Variants in TRAK1 observed in about 807,000 individuals in gnomAD.
The protein encoded by TRAK1 is trafficking kinesin-binding protein 1.
In TRAK1, 33 loss-of-function variants were observed where a neutral mutation model predicts 92.1. The observed-to-expected ratio is 0.36, with a 90% CI of 0.27 to 0.48. The LOEUF (loss-of-function observed/expected upper bound fraction) is 0.48, where lower values mean the gene tolerates loss of function less well. TRAK1 is among the 20% of genes least tolerant of loss of function. TRAK1 has a pLI of 0.99. For synonymous variants in TRAK1, 521 were observed against 517.3 expected, an observed-to-expected ratio of 1.01 and a Z score of -0.10; for missense variants, 1,123 against 1,257.9, an observed-to-expected ratio of 0.89 and a Z score of 1.62.
At chr3:42,194,692 C>T in intron 9 of TRAK1, 112 bp from the exon 10 acceptor site, 1 of 1,324,516 alleles carries the variant, frequency 7.5e-7, no homozygotes, top group Non-Finnish European at 1.0e-6. Context: ...GCTGGTTCCA[C>T]ACGTGCTGGG....
chr3:42,223,288 C>A lies in TRAK1; in HGVS notation c.2413C>A (p.Pro805Thr), dbSNP rs201202052. Residue 805 changes from proline to threonine, a missense_variant, in exon 16 of 16, where the codon CCC becomes ACC. Physicochemically the swap from Pro to Thr is conservative, Grantham distance 38. Transcript: ENST00000327628. This position sits in a 1 kb window ranked among gnomAD's most constrained non-coding sequence, Gnocchi z 6.1. ...CTTTGAGTTCAAGTGCACGAGCCCT[C>A]CCTACGACAATTTCCTGGCTTCCAA... is the stretch of plus-strand genomic sequence containing the variant. ...PSFEFKCTSP[P>T]YDNFLASKPA... The A allele has an allele frequency of 5.0e-6, 8 of 1,614,236 alleles. No individual in the cohort carries two copies. Among genetic ancestry groups the A allele is most frequent in the Non-Finnish European group, 5.9e-6 (7 of 1,180,040 alleles).
intron 2 of TRAK1, among the ~76,000 whole-genome samples, chr3:42,129,387 C>T (rs2149160657): frequency 6.6e-6 from 1 of 152,258 alleles, no homozygotes; most frequent in Admixed American, 6.5e-5. Flanking sequence ...CTACACATTG[C>T]TATGCAGATC....
At chr3:42,092,681 T>TTGTTTTGTTGTGTTGTGTTGTGTTG (rs750189192) in intron 1 of TRAK1, among the ~76,000 whole-genome samples, 76 of 131,354 alleles carry the variant, frequency 5.8e-4, no homozygotes, top group East Asian at 1.6e-3. Context: ...TCCTTTTATT[T>TTGTTTTGTTGTGTTGTGTTGTGTTG]TGTTGTGTTG....
At chr3:42,139,121 CAT>C (rs1369299020) in intron 2 of TRAK1, among the ~76,000 whole-genome samples, 2 of 152,040 alleles carry the variant, frequency 1.3e-5, no homozygotes, top group African/African-American at 4.8e-5. Flanking sequence ...AAGATGTATA[CAT>C]TATAATGTAT....
chr3:42,053,375 T>TGGGGGG (rs760432112), intron 1 of TRAK1, among the ~76,000 whole-genome samples: 40 of 50,612 alleles, frequency 7.9e-4, no homozygotes, highest in South Asian at 1.9e-3. Context: ...CAGAGTCGGG[T>TGGGGGG]GGGGGGGGGG....
chr3:42,105,951 C>T (rs1707485702), intron 1 of TRAK1, among the ~76,000 whole-genome samples: 1 of 152,132 alleles, frequency 6.6e-6, no homozygotes, highest in Non-Finnish European at 1.5e-5. Context: ...ATAAAATCCT[C>T]TACAGACAAA....
chr3:42,062,455 CTA>C, intron 1 of TRAK1, among the ~76,000 whole-genome samples: 1 of 152,258 alleles, frequency 6.6e-6, no homozygotes. Context: ...GTCTTGGAGA[CTA>C]TTTTTTAACA....
intron 1 of TRAK1, among the ~76,000 whole-genome samples, chr3:42,103,172 C>CT (rs991576050): frequency 1.3e-5 from 2 of 151,840 alleles, no homozygotes; most frequent in Non-Finnish European, 2.9e-5. Context: ...TGGCTGCATT[C>CT]TTTTTTTTCT....
intron 1 of TRAK1, among the ~76,000 whole-genome samples, chr3:42,053,771 A>C (rs541101539): frequency 6.6e-6 from 1 of 152,204 alleles, no homozygotes; most frequent in Admixed American, 6.5e-5. Context: ...TCCCTCACCA[A>C]GGGAAAATGA....
chr3:42,104,242 C>G (rs1457171383), intron 1 of TRAK1, among the ~76,000 whole-genome samples: 2 of 152,158 alleles, frequency 1.3e-5, no homozygotes, highest in Admixed American at 1.3e-4. Context: ...CAGGGCATAG[C>G]TGAACTTCTG....
chr3:42,172,290 A>G (rs1576778254), intron 2 of TRAK1, among the ~76,000 whole-genome samples: 1 of 152,156 alleles, frequency 6.6e-6, no homozygotes, highest in African/African-American at 2.4e-5. Flanking sequence ...GGGGCACCGC[A>G]TCTTGCCTCT....
chr3:42,068,153 C>CT (rs1234659559), intron 1 of TRAK1, among the ~76,000 whole-genome samples: 1 of 151,284 alleles, frequency 6.6e-6, no homozygotes, highest in African/African-American at 2.4e-5. Context: ...GAGCGAGACT[C>CT]TGTCTAAAAA....
At chr3:42,166,984 C>T (rs768172566) in intron 2 of TRAK1, among the ~76,000 whole-genome samples, 1 of 152,198 alleles carries the variant, frequency 6.6e-6, no homozygotes, top group Non-Finnish European at 1.5e-5. Context: ...ACACAAAGAA[C>T]AAGGAGATGG....
intron 1 of TRAK1, among the ~76,000 whole-genome samples, chr3:42,114,624 TTTAA>T (rs1292128260): frequency 6.6e-6 from 1 of 152,242 alleles, no homozygotes; most frequent in Non-Finnish European, 1.5e-5. Context: ...TTGTGAGCAC[TTTAA>T]TTACATTCAT....
upstream of TRAK1, among the ~76,000 whole-genome samples, chr3:42,082,965 G>A (rs768041516): frequency 5.3e-5 from 8 of 152,132 alleles, no homozygotes; most frequent in South Asian, 2.1e-4. Flanking sequence ...GATAGCTGTC[G>A]CATAATTAAT....
chr3:42,076,174 T>C (rs934719689), intron 1 of TRAK1, among the ~76,000 whole-genome samples: 1 of 151,466 alleles, frequency 6.6e-6, no homozygotes, highest in Non-Finnish European at 1.5e-5. Flanking sequence ...TTTTGTTTCT[T>C]GTAAATTTGT....
chr3:42,071,726 C>A (rs554006764), intron 1 of TRAK1, among the ~76,000 whole-genome samples: 1 of 151,412 alleles, frequency 6.6e-6, no homozygotes, highest in Non-Finnish European at 1.5e-5. Flanking sequence ...AAAAAAGATA[C>A]CCACTCTCTC....
chr3:42,145,105 A>G (rs1397214018), intron 2 of TRAK1, among the ~76,000 whole-genome samples: 1 of 152,254 alleles, frequency 6.6e-6, no homozygotes, highest in Admixed American at 6.5e-5. Context: ...TCGCCTCCCC[A>G]AAGGAGCTAC....
rs772012041 is a variant in TRAK1 at position 42,202,200 on chromosome 3, T to G, written c.1428-236T>G. On this transcript the variant is annotated intron_variant, in intron 12 of 15. Coordinates refer to ENST00000327628, the MANE Select transcript of TRAK1 (RefSeq NM_001042646.3). The surrounding 1 kb of genome is among the most constrained non-coding windows in gnomAD (Gnocchi z 6.1). The stretch of plus-strand genomic sequence containing the variant: ...AATTTACTTAGTCTGTGTGCAGATA[T>G]TCATCCCACCTTAGTCCTCACCCCA... Among the ~76,000 whole-genome samples the G allele has an allele frequency of 1.4e-4, 22 of 152,132 alleles. No individual in the cohort carries two copies. The highest frequency in any genetic ancestry group is 2.6e-4 in the Non-Finnish European group (18 of 68,028).
Sources: gnomAD v4.1 joint callset for allele counts (sites outside exome capture counted in the v4.1 genomes callset) on GRCh38, gnomAD v4.1.1 for gene constraint, Gnocchi (gnomAD v3.1) non-coding constraint, MANE v1.5 for transcripts, NCBI Gene and HGNC (gene_info 2026-07-23, HGNC 2026-07-21) for gene names.